SECTM1: variants seen among roughly 807,000 people sequenced by gnomAD.
SECTM1 encodes secreted and transmembrane protein 1.
In SECTM1, 10 loss-of-function variants were observed where a neutral mutation model predicts 18.1. The ratio of observed to expected loss-of-function variants is 0.55; its 90% confidence interval spans 0.34 to 0.94. The LOEUF is 0.94. Ranked by LOEUF, SECTM1 falls within the 40% of genes least tolerant of loss-of-function variation. The probability of loss-of-function intolerance (pLI) is 0.02; values close to 1 mark genes in which losing one functional copy is unlikely to be tolerated. For synonymous variants in SECTM1, 137 were observed against 139.2 expected, an observed-to-expected ratio of 0.98 and a Z score of 0.11; for missense variants, 297 against 322.6, an observed-to-expected ratio of 0.92 and a Z score of 0.61.
rs2052150158 is a variant in SECTM1 at position 82,326,885 on chromosome 17, TAC to T, written c.94+260_94+261del. Among the ~76,000 whole-genome samples, 1 of 134,874 alleles carries T rather than the reference TAC, an allele frequency of 7.4e-6. No homozygotes were observed. Among genetic ancestry groups the T allele is most frequent in the Non-Finnish European group, 1.6e-5 (1 of 61,934 alleles). 88.5% of individuals were successfully genotyped at this position (134,874 alleles called of 152,430 possible). On this transcript the variant is annotated intron_variant, in intron 2 of 4. Transcript: ENST00000269389. This position sits in a 1 kb window ranked among gnomAD's most constrained non-coding sequence, Gnocchi z 4.3. ...AATTGCTCTGACAGTGACCACCAGG[TAC>T]CACAGCGGGCACCACCGCCCTCCAC...
In SECTM1 at chr17:82,321,356, T is replaced by C. The variant is rs2052085695; in HGVS notation, c.*805A>G. On this transcript the variant is annotated 3_prime_UTR_variant, in exon 5 of 5. Coordinates refer to ENST00000269389, the MANE Select transcript of SECTM1 (RefSeq NM_003004.3). Reference sequence around the variant, plus strand: ...CAGATATTCGAGTCATGGAACTTTTTCAAAGAACTGAAGGGGGATTCCCGG... The same window carrying C: ...CAGATATTCGAGTCATGGAACTTTTCCAAAGAACTGAAGGGGGATTCCCGG... 1 of 152,264 alleles carries C rather than the reference T, an allele frequency of 6.6e-6. No individual in the cohort carries two copies. The highest frequency in any genetic ancestry group is 1.5e-5 in the Non-Finnish European group (1 of 68,046). 9.4% of individuals were successfully genotyped at this position (152,264 alleles called of 1,614,324 possible).
Position 82,322,028 on chromosome 17 carries a change from G to C in SECTM1, c.*133C>G, listed in dbSNP as rs2052095259. 2 of 778,944 alleles carry C rather than the reference G, an allele frequency of 2.6e-6. No individual in the cohort carries two copies. The highest frequency in any genetic ancestry group is 4.2e-6 in the Non-Finnish European group (2 of 473,118). 48.3% of individuals were successfully genotyped at this position (778,944 alleles called of 1,614,324 possible). On this transcript the variant is annotated 3_prime_UTR_variant, in exon 5 of 5. Transcript: ENST00000269389. The stretch of plus-strand genomic sequence containing the variant: ...AAGGGTCTGCACGCACCCAGGAGTG[G>C]GTGACACAGAGGCCCAGCCTGCCAA...
In SECTM1 at chr17:82,324,692, C is replaced by A; in HGVS notation, c.293G>T (p.Gly98Val). 6.2e-7 allele frequency: 1 copy of A among 1,614,150 alleles called. No individual in the cohort carries two copies. The highest frequency in any genetic ancestry group is 8.5e-7 in the Non-Finnish European group (1 of 1,180,028). Reference protein sequence around the residue: ...RDGWQLQVQGGVAQLVIKGAR... With the variant: ...RDGWQLQVQGVVAQLVIKGAR... Reference sequence around the variant, plus strand: ...GCCTTTGATCACCAGCTGTGCCACGCCTCCCTGAACCTGGAGCTGCCAGCC... The same window carrying A: ...GCCTTTGATCACCAGCTGTGCCACGACTCCCTGAACCTGGAGCTGCCAGCC... Residue 98 changes from glycine (G) to valine (V), a missense_variant, in exon 3 of 5, where the codon GGC (glycine) becomes GTC (valine). Coordinates refer to ENST00000269389, the MANE Select transcript of SECTM1 (RefSeq NM_003004.3).
In SECTM1 at chr17:82,325,003, G is replaced by C. The variant is rs2052133896; in HGVS notation, c.95-113C>G. 2 of 941,924 alleles carry C rather than the reference G, an allele frequency of 2.1e-6. No homozygotes were observed. The highest frequency in any genetic ancestry group is 3.3e-5 in the African/African-American group (2 of 60,656). 58.3% of individuals were successfully genotyped at this position (941,924 alleles called of 1,614,324 possible). On this transcript the variant is annotated intron_variant, in intron 2 of 4. Coordinates refer to ENST00000269389, the MANE Select transcript of SECTM1 (RefSeq NM_003004.3). This position sits in a 1 kb window ranked among gnomAD's most constrained non-coding sequence, Gnocchi z 7.6. ...GGAGACAGGGCCTCTAAGGGACACAGTGAACTATGTATACATCCACCCGAC... is the reference window on the plus strand; with the variant it reads ...GGAGACAGGGCCTCTAAGGGACACACTGAACTATGTATACATCCACCCGAC...
At chr17:82,333,640 GAGTCCCCAGCA>G (rs2052211724) in intron 1 of SECTM1, 49 bp downstream of exon 1, 2 of 176,192 alleles carry the variant, frequency 1.1e-5, no homozygotes, top group Non-Finnish European at 2.4e-5. Context: ...CCCCAGCACC[GAGTCCCCAGCA>G]CCGAGCCCGC....
chr17:82,328,865 C>T lies in SECTM1; in HGVS notation c.-52-1573G>A, dbSNP rs969962079. On this transcript the variant is annotated intron_variant, in intron 1 of 4. Transcript: ENST00000269389. This position sits in a 1 kb window ranked among gnomAD's most constrained non-coding sequence, Gnocchi z 5.8. The stretch of plus-strand genomic sequence containing the variant: ...TGCTAGGAAAAGTCCCTAGGTAGGG[C>T]GGCAACTCCAGCCCTGCCTCTCCCA... Among the ~76,000 whole-genome samples the T allele has an allele frequency of 3.3e-5, 5 of 152,192 alleles. No homozygotes were observed. The highest frequency in any genetic ancestry group is 5.9e-5 in the Non-Finnish European group (4 of 68,026).
chr17:82,324,304 G>A (rs887278099), intron 3 of SECTM1, among the ~76,000 whole-genome samples: 33 of 152,010 alleles, frequency 2.2e-4, no homozygotes, highest in Admixed American at 5.2e-4. Flanking sequence ...GTGGGACTCC[G>A]GCTGCCCTCT....
intron 3 of SECTM1, 66 bp downstream of exon 3, chr17:82,324,514 CAG>C: frequency 2.6e-6 from 2 of 760,246 alleles, no homozygotes; most frequent in South Asian, 4.3e-5. Flanking sequence ...TCCCCCTGCC[CAG>C]GCCCCCTCCC....
rs5822518 is a variant in SECTM1, at chr17:82,325,102, ATGTGTGTGTGTG to A, written c.95-224_95-213del. Among the ~76,000 whole-genome samples, 2 of 151,608 alleles carry A rather than the reference ATGTGTGTGTGTG, an allele frequency of 1.3e-5. No homozygotes were observed. The highest frequency in any genetic ancestry group is 2.9e-5 in the Non-Finnish European group (2 of 67,810). On this transcript the variant is annotated intron_variant, in intron 2 of 4. Coordinates refer to ENST00000269389, the MANE Select transcript of SECTM1 (RefSeq NM_003004.3). The surrounding 1 kb of genome is among the most constrained non-coding windows in gnomAD (Gnocchi z 7.6). ...AAGACGGGTGGCTCTGTGTGTGTGTATGTGTGTGTGTGTGCGTGCTCACACCCACGTCTGTTC... is the reference window on the plus strand; with the variant it reads ...AAGACGGGTGGCTCTGTGTGTGTGTATGCGTGCTCACACCCACGTCTGTTC...
rs1462217023 is a variant in SECTM1 at position 82,322,166 on chromosome 17, G to A, written c.742C>T (p.Pro248Ser). ...CCTCTCTGCCTTGCAGGCGGCTATG[G>A]GTCTGCGGCATATGGAAACAAGGGT... ...PQPLFPYAAD[P>S] Residue 248 changes from proline (P) to serine (S), a missense_variant, in exon 5 of 5, where the codon CCA becomes TCA. Coordinates refer to ENST00000269389, the MANE Select transcript of SECTM1 (RefSeq NM_003004.3). The A allele has an allele frequency of 7.4e-6, 12 of 1,613,778 alleles. No homozygotes were observed. The highest frequency in any genetic ancestry group is 9.3e-6 in the Non-Finnish European group (11 of 1,179,788).
At position 82,327,198 on chromosome 17, in the gene SECTM1, C is replaced by T. The variant is rs761859366; in HGVS notation, c.43G>A (p.Ala15Thr). Reference sequence around the variant, plus strand: ...GCCAAAAACAGGAGGGTCCCAAGGGCCTGGGAAACGTGGCCAGGGAATGCC... The same window carrying T: ...GCCAAAAACAGGAGGGTCCCAAGGGTCTGGGAAACGTGGCCAGGGAATGCC... ...PLAFPGHVSQ[A>T]LGTLLFLAAS... The change falls in exon 2 of 5, where the codon GCC becomes ACC. Residue 15 changes from alanine (A) to threonine (T), a missense_variant. Coordinates refer to ENST00000269389, the MANE Select transcript of SECTM1 (RefSeq NM_003004.3). 4 of 1,612,742 alleles carry T rather than the reference C, an allele frequency of 2.5e-6. No individual in the cohort carries two copies. Among genetic ancestry groups the T allele is most frequent in the Non-Finnish European group, 3.4e-6 (4 of 1,179,400 alleles).
Position 82,327,265 on chromosome 17 carries a change from T to C in SECTM1, c.-25A>G. On this transcript the variant is annotated 5_prime_UTR_variant, in exon 2 of 5. Transcript: ENST00000269389. ...TGGCTGGTGGGACTTGGGCCCCTGG[T>C]CCTTGTCACTGGCTCTTGAAACACT... 2 of 1,572,358 alleles carry C rather than the reference T, an allele frequency of 1.3e-6. No homozygotes were observed. Among genetic ancestry groups the C allele is most frequent in the Non-Finnish European group, 8.7e-7 (1 of 1,153,930 alleles).
In SECTM1 at chr17:82,325,589, C is replaced by T. The variant is rs1479496951; in HGVS notation, c.95-699G>A. Among the ~76,000 whole-genome samples, 1 of 152,228 alleles carries T rather than the reference C, an allele frequency of 6.6e-6. No individual in the cohort carries two copies. The highest frequency in any genetic ancestry group is 2.4e-5 in the African/African-American group (1 of 41,466). ...TGGGAGGTCAAGTCCTTGACACAAGCCGGCGTGTCAGTCTCTCTCTCCCGC... is the reference window on the plus strand; with the variant it reads ...TGGGAGGTCAAGTCCTTGACACAAGTCGGCGTGTCAGTCTCTCTCTCCCGC... On this transcript the variant is annotated intron_variant, in intron 2 of 4. Coordinates refer to ENST00000269389, the MANE Select transcript of SECTM1 (RefSeq NM_003004.3). The surrounding 1 kb of genome is among the most constrained non-coding windows in gnomAD (Gnocchi z 7.6).
rs557494427 is a variant in SECTM1 at position 82,323,307 on chromosome 17, C to T, written c.404-296G>A. 5.2e-5 allele frequency: 20 copies of T among 382,704 alleles called. No individual in the cohort carries two copies. The East Asian group carries it at 8.6e-4, about 17-fold the overall frequency. 23.7% of individuals were successfully genotyped at this position (382,704 alleles called of 1,614,324 possible). A position where few individuals can be genotyped will look rare whatever the true frequency, so the allele number is the denominator to read the frequency against. ...CTGCGCGCTGGCCCGGTCCTTCAGG[C>T]CTCGGGGTTCTGGGGAAGAGATGCA... On this transcript the variant is annotated intron_variant, in intron 3 of 4. Transcript: ENST00000269389.
chr17:82,324,666 C>A lies in SECTM1; in HGVS notation c.319G>T (p.Ala107Ser), dbSNP rs569566604. The A allele has an allele frequency of 3.1e-6, 5 of 1,614,018 alleles. No homozygotes were observed. The highest frequency in any genetic ancestry group is 4.2e-6 in the Non-Finnish European group (5 of 1,180,020). The change falls in exon 3 of 5, where the codon GCC becomes TCC. Residue 107 changes from alanine to serine, a missense_variant. Coordinates refer to ENST00000269389, the MANE Select transcript of SECTM1 (RefSeq NM_003004.3). ...TACAGCCCAGCATGGGAGTCCCGGG[C>A]GCCTTTGATCACCAGCTGTGCCACG... ...GGVAQLVIKG[A>S]RDSHAGLYMW...
Position 82,322,107 on chromosome 17 carries a change from C to T in SECTM1, c.*54G>A. ...GGACGAGAGACCCAGGCCCCGCCAC[C>T]CAAGGTCGGCACTCAGGGCTGGCTC... On this transcript the variant is annotated 3_prime_UTR_variant, in exon 5 of 5. Coordinates refer to ENST00000269389, the MANE Select transcript of SECTM1 (RefSeq NM_003004.3). 2 of 1,586,718 alleles carry T rather than the reference C, an allele frequency of 1.3e-6. No individual in the cohort carries two copies. The highest frequency in any genetic ancestry group is 1.7e-6 in the Non-Finnish European group (2 of 1,157,132).
chr17:82,323,529 G>C (rs2052116754), intron 3 of SECTM1, among the ~76,000 whole-genome samples: 1 of 148,544 alleles, frequency 6.7e-6, no homozygotes. Context: ...GGAGGCTCCT[G>C]AGCTTTGCAG....
chr17:82,327,704 C>G (rs907404676), intron 1 of SECTM1, among the ~76,000 whole-genome samples: 9 of 152,156 alleles, frequency 5.9e-5, no homozygotes, highest in African/African-American at 2.2e-4. Flanking sequence ...CCCTCACCAA[C>G]GCTAAGCATG....
chr17:82,322,422 C>G (rs2052102549), intron 4 of SECTM1, 52 bp from the exon 5 acceptor site: 7 of 1,541,182 alleles, frequency 4.5e-6, no homozygotes, highest in East Asian at 2.2e-5. Context: ...CCCGTGCCCA[C>G]AGCTCTGCCC....
Sources: gnomAD v4.1 joint callset for allele counts (sites outside exome capture counted in the v4.1 genomes callset) on GRCh38, gnomAD v4.1.1 for gene constraint, Gnocchi (gnomAD v3.1) non-coding constraint, MANE v1.5 for transcripts, NCBI Gene and HGNC (gene_info 2026-07-23, HGNC 2026-07-21) for gene names.